The following PCDHGB3 variants were observed in gnomAD, a reference collection of about 807,000 sequenced individuals.
PCDHGB3 encodes the protein protocadherin gamma subfamily B, 3.
Under a neutral mutation model 59.2 loss-of-function variants are expected in PCDHGB3, and 40 were observed. The ratio of observed to expected loss-of-function variants is 0.68; its 90% CI spans 0.52 to 0.88. The LOEUF is 0.88. Ranked by LOEUF, PCDHGB3 falls within the 40% of genes least tolerant of loss-of-function variation. The pLI is 0.00. For synonymous variants in PCDHGB3, 581 were observed against 503.6 expected, an observed-to-expected ratio of 1.15 and a Z score of -2.06; for missense variants, 1,309 against 1,187.9, an observed-to-expected ratio of 1.10 and a Z score of -1.50.
intron 1 of PCDHGB3, chr5:141,413,769 G>T: frequency 6.2e-7 from 1 of 1,612,870 alleles, no homozygotes; most frequent in Non-Finnish European, 8.5e-7. Flanking sequence ...ACCCGGAGCT[G>T]GTACTGGAGC....
intron 1 of PCDHGB3, 55 bp downstream of exon 1, chr5:141,372,864 AT>A (rs1769140168): frequency 5.7e-6 from 8 of 1,393,446 alleles, no homozygotes; most frequent in Non-Finnish European, 6.7e-6. Context: ...CAATTCATTG[AT>A]TTAGAGATAA....
At chr5:141,415,176 C>G (rs773987499) in intron 1 of PCDHGB3, 17 of 1,613,816 alleles carry the variant, frequency 1.1e-5, no homozygotes, top group Non-Finnish European at 5.1e-6. Flanking sequence ...TCACCGTGGC[C>G]GTGGCCGACA....
chr5:141,399,195 G>A (rs773731727), intron 1 of PCDHGB3: 5 of 1,613,852 alleles, frequency 3.1e-6, no homozygotes, highest in Non-Finnish European at 4.2e-6. Context: ...TGGAAAACGC[G>A]GTGCCTGGAA....
chr5:141,421,251 G>C (rs771398829), intron 1 of PCDHGB3: 1 of 1,606,888 alleles, frequency 6.2e-7, no homozygotes, highest in Non-Finnish European at 8.5e-7. Context: ...TACAGCGCGG[G>C]GACCGCAGTC....
chr5:141,374,643 A>G (rs1283839211), intron 1 of PCDHGB3: 1 of 1,612,916 alleles, frequency 6.2e-7, no homozygotes, highest in Admixed American at 1.7e-5. Flanking sequence ...AGCGAAGCCC[A>G]TGGGCCCAAG....
intron 1 of PCDHGB3, chr5:141,408,120 C>T (rs1375123891): frequency 3.4e-6 from 5 of 1,475,704 alleles, no homozygotes. Flanking sequence ...TCCTCCTGTC[C>T]TGGGCCGAAT....
chr5:141,474,135 G>C (rs1032470573), intron 1 of PCDHGB3, among the ~76,000 whole-genome samples: 2 of 152,062 alleles, frequency 1.3e-5, no homozygotes, highest in Admixed American at 1.3e-4. Context: ...GAAAACTACA[G>C]GCCTTATTAT....
At chr5:141,427,333 T>C (rs1157500463) in intron 1 of PCDHGB3, 1 of 457,322 alleles carries the variant, frequency 2.2e-6, no homozygotes, top group Non-Finnish European at 4.4e-6. Context: ...TTTACTTCAG[T>C]GTCCAGTTCT....
chr5:141,455,587 T>C (rs1383947901), intron 1 of PCDHGB3, among the ~76,000 whole-genome samples: 1 of 152,162 alleles, frequency 6.6e-6, no homozygotes, highest in African/African-American at 2.4e-5. Flanking sequence ...CCTTTTAATA[T>C]GCAAACGTAG....
chr5:141,463,041 G>C (rs1383781857), intron 1 of PCDHGB3, among the ~76,000 whole-genome samples: 1 of 152,114 alleles, frequency 6.6e-6, no homozygotes, highest in African/African-American at 2.4e-5. Flanking sequence ...TGAGTGTTCA[G>C]CAGGGTCTCT....
intron 1 of PCDHGB3, among the ~76,000 whole-genome samples, chr5:141,461,756 C>T (rs887460069): frequency 6.6e-6 from 1 of 151,832 alleles, no homozygotes; most frequent in Non-Finnish European, 1.5e-5. Flanking sequence ...CAGATTCAAG[C>T]GATTCTCCTG....
chr5:141,492,962 C>T (rs1197532146), intron 1 of PCDHGB3, among the ~76,000 whole-genome samples: 2 of 152,258 alleles, frequency 1.3e-5, no homozygotes, highest in Non-Finnish European at 2.9e-5. Context: ...CTATCTGACA[C>T]TCTAACAAGT....
chr5:141,388,742 G>A (rs1340234849), intron 1 of PCDHGB3: 12 of 1,614,004 alleles, frequency 7.4e-6, no homozygotes, highest in Non-Finnish European at 1.0e-5. Flanking sequence ...AAGCTAGCCA[G>A]ATCACCCAAT....
intron 1 of PCDHGB3, chr5:141,403,178 T>C (rs1294905670): frequency 6.2e-7 from 1 of 1,613,980 alleles, no homozygotes; most frequent in Middle Eastern, 1.7e-4. Flanking sequence ...GCAGCTTTTC[T>C]CTCTGAACCC....
At chr5:141,427,550 C>T (rs1310933864) in intron 1 of PCDHGB3, 1 of 643,730 alleles carries the variant, frequency 1.6e-6, no homozygotes, top group East Asian at 3.2e-5. Context: ...CCATCACTGC[C>T]ACTGACAAGG....
rs72790062 is a variant in PCDHGB3, at chr5:141,476,031, C to A, written c.2416-18776C>A. On this transcript the variant is annotated intron_variant, in intron 1 of 3. Coordinates refer to ENST00000576222, the MANE Select transcript of PCDHGB3 (RefSeq NM_018924.5). The surrounding 1 kb of genome is among the most constrained non-coding windows in gnomAD (Gnocchi z 7.6). Reference sequence around the variant, plus strand: ...AAGCCATGTCGGACTCGGCGCCCAGCGCCCAAGCGCTAACCCGCTGAAAGT... The same window carrying A: ...AAGCCATGTCGGACTCGGCGCCCAGAGCCCAAGCGCTAACCCGCTGAAAGT... 6.9e-6 allele frequency: 10 copies of A among 1,457,214 alleles called. No homozygotes were observed. The highest frequency in any genetic ancestry group is 9.1e-6 in the Non-Finnish European group (10 of 1,094,860). 90.3% of individuals were successfully genotyped at this position (1,457,214 alleles called of 1,614,324 possible).
In PCDHGB3 at chr5:141,413,486, C is replaced by T. The variant is rs756751796; in HGVS notation, c.2415+40677C>T. On this transcript the variant is annotated intron_variant, in intron 1 of 3. Transcript: ENST00000576222. Reference sequence around the variant, plus strand: ...CGGGAGGAGCTCTGCGCTCAGAGCGCGCGGTGCGTGGTGAGTTTTAATATC... The same window carrying T: ...CGGGAGGAGCTCTGCGCTCAGAGCGTGCGGTGCGTGGTGAGTTTTAATATC... 5.0e-6 allele frequency: 8 copies of T among 1,613,914 alleles called. No homozygotes were observed. The African/African-American group carries it at 9.3e-5, about 19-fold the overall frequency.
rs746159671 is a variant in PCDHGB3, at chr5:141,399,684, G to A, written c.2415+26875G>A. The A allele has an allele frequency of 2.4e-5, 38 of 1,613,538 alleles. 1 individual carries two copies. In the South Asian group the frequency reaches 4.2e-4, roughly 18 times the overall value. On this transcript the variant is annotated intron_variant, in intron 1 of 3. Transcript: ENST00000576222. ...TCGCGCAGCGCGCCTTTGACTACGAGCAGCTGCGCACCTTCGAACTCACAC... is the reference window on the plus strand; with the variant it reads ...TCGCGCAGCGCGCCTTTGACTACGAACAGCTGCGCACCTTCGAACTCACAC...
intron 1 of PCDHGB3, chr5:141,387,791 A>G: frequency 4.0e-6 from 6 of 1,492,120 alleles, no homozygotes; most frequent in Non-Finnish European, 4.5e-6. Flanking sequence ...AACTGCAACT[A>G]AAGTCCGTTC....
Sources: allele counts gnomAD v4.1 joint callset (sites outside exome capture counted in the v4.1 genomes callset), GRCh38; gene constraint gnomAD v4.1.1; non-coding constraint Gnocchi (gnomAD v3.1); transcripts MANE v1.5; gene names NCBI Gene and HGNC (gene_info 2026-07-23, HGNC 2026-07-21).